Variants in ITGB6 observed in about 807,000 individuals in gnomAD.
ITGB6 encodes the protein integrin subunit beta 6.
A neutral mutation model predicts 84.5 loss-of-function variants in ITGB6; 80 were observed. That is an observed-to-expected ratio of 0.95 (90% confidence interval 0.79 to 1.14). The LOEUF is 1.14. Among genes scored for constraint, ITGB6 ranks in the 50% most tolerant of loss-of-function variants. The pLI is 0.00. For missense variants in ITGB6, 1,006 were observed against 968.0 expected (o/e 1.04, Z -0.52); for synonymous variants, 383 against 354.9 (o/e 1.08, Z -0.89).
intron 7 of ITGB6, among the ~76,000 whole-genome samples, chr2:160,167,156 G>C (rs368231550): frequency 6.6e-6 from 1 of 151,886 alleles, no homozygotes; most frequent in Non-Finnish European, 1.5e-5. Flanking sequence ...TCCTTATATC[G>C]CAGTTATCCA....
chr2:160,184,380 A>G (rs1341556763), intron 4 of ITGB6, among the ~76,000 whole-genome samples: 1 of 152,246 alleles, frequency 6.6e-6, no homozygotes. Context: ...AAAATCTAGA[A>G]GAAATGGATA....
At chr2:160,116,897 A>T (rs1682798242) in intron 12 of ITGB6, among the ~76,000 whole-genome samples, 1 of 151,306 alleles carries the variant, frequency 6.6e-6, no homozygotes, top group Non-Finnish European at 1.5e-5. Flanking sequence ...TAAACCAACA[A>T]AGATCAAAAG....
chr2:160,130,370 G>A (rs367810183), intron 10 of ITGB6, among the ~76,000 whole-genome samples: 28 of 152,000 alleles, frequency 1.8e-4, no homozygotes, highest in East Asian at 7.7e-4. Flanking sequence ...ATACACACAC[G>A]TATGTATAGA....
intron 7 of ITGB6, among the ~76,000 whole-genome samples, chr2:160,160,700 G>A (rs887084368): frequency 2.0e-5 from 3 of 152,102 alleles, no homozygotes; most frequent in Non-Finnish European, 2.9e-5. Flanking sequence ...TTATTTCAAA[G>A]GCTATGACAC....
At chr2:160,147,317 C>T (rs1262497697) in intron 7 of ITGB6, among the ~76,000 whole-genome samples, 2 of 152,112 alleles carry the variant, frequency 1.3e-5, no homozygotes, top group Admixed American at 1.3e-4. Context: ...GAGTTATCTT[C>T]ACAGCCTTAT....
intron 12 of ITGB6, among the ~76,000 whole-genome samples, chr2:160,112,469 G>A (rs930198078): frequency 5.3e-5 from 8 of 152,078 alleles, no homozygotes; most frequent in African/African-American, 1.2e-4. Context: ...CAGGCTGAAC[G>A]TACTTCAAGG....
chr2:160,174,545 A>G (rs960563512), intron 4 of ITGB6, among the ~76,000 whole-genome samples: 1 of 150,794 alleles, frequency 6.6e-6, no homozygotes, highest in Non-Finnish European at 1.5e-5. Flanking sequence ...CTGTAGCAAG[A>G]CAAGAGAGGA....
chr2:160,194,385 G>T (rs1249241805), intron 4 of ITGB6, among the ~76,000 whole-genome samples: 1 of 152,016 alleles, frequency 6.6e-6, no homozygotes, highest in Non-Finnish European at 1.5e-5. Flanking sequence ...TGCCTTTGGT[G>T]TATAAAAGTA....
chr2:160,107,118 T>C (rs1696940368), intron 14 of ITGB6, among the ~76,000 whole-genome samples: 1 of 152,202 alleles, frequency 6.6e-6, no homozygotes, highest in African/African-American at 2.4e-5. Flanking sequence ...TAAAGGTTAA[T>C]ACTTTTGGGG....
intron 10 of ITGB6, among the ~76,000 whole-genome samples, chr2:160,127,266 C>T (rs762110074): frequency 6.6e-5 from 10 of 152,200 alleles, no homozygotes; most frequent in Non-Finnish European, 1.3e-4. Flanking sequence ...GAATCTGGAA[C>T]CTTTTTTAAG....
At chr2:160,177,591 C>A (rs1249064456) in intron 4 of ITGB6, among the ~76,000 whole-genome samples, 1 of 151,546 alleles carries the variant, frequency 6.6e-6, no homozygotes, top group Non-Finnish European at 1.5e-5. Context: ...AAAGAACCAT[C>A]CTAAAAATAT....
rs752307884 is a variant in ITGB6, at chr2:160,101,713, C to CT, written c.*22dup. 106 of 1,289,560 alleles carry CT rather than the reference C, an allele frequency of 8.2e-5. 1 individual carries two copies. The highest frequency in any genetic ancestry group is 1.1e-4 in the Non-Finnish European group (100 of 886,722). 79.9% of individuals were successfully genotyped at this position (1,289,560 alleles called of 1,614,324 possible). ...TAACATTTCATATCAGTGAAACAGA[C>CT]TTTTTTCATGCATAAAGTAGTTCTA... On this transcript the variant is annotated 3_prime_UTR_variant, in exon 15 of 15. Transcript: ENST00000283249.
intron 14 of ITGB6, among the ~76,000 whole-genome samples, chr2:160,105,146 G>C (rs1696859565): frequency 6.6e-6 from 1 of 152,110 alleles, no homozygotes; most frequent in Non-Finnish European, 1.5e-5. Context: ...GCATCCAAGT[G>C]AATAATTACT....
intron 7 of ITGB6, among the ~76,000 whole-genome samples, chr2:160,167,980 G>A (rs1685064106): frequency 1.9e-5 from 2 of 102,766 alleles, no homozygotes; most frequent in Non-Finnish European, 4.0e-5. Context: ...GTATTTGGGG[G>A]TATTTTAAAA....
chr2:160,194,996 CAAAT>C (rs1686275765), intron 4 of ITGB6, among the ~76,000 whole-genome samples: 1 of 152,172 alleles, frequency 6.6e-6, no homozygotes, highest in Non-Finnish European at 1.5e-5. Context: ...AGGTTATTCT[CAAAT>C]AACCTCAGAA....
At chr2:160,193,405 T>C (rs1686215502) in intron 4 of ITGB6, among the ~76,000 whole-genome samples, 1 of 152,208 alleles carries the variant, frequency 6.6e-6, no homozygotes, top group African/African-American at 2.4e-5. Flanking sequence ...TATATATTTA[T>C]ATAAAATTCA....
At chr2:160,125,012 G>T (rs1683181471) in intron 11 of ITGB6, among the ~76,000 whole-genome samples, 1 of 152,184 alleles carries the variant, frequency 6.6e-6, no homozygotes, top group East Asian at 1.9e-4. Flanking sequence ...CTCAATGATG[G>T]CTGCCCTAGC....
chr2:160,190,136 T>C (rs1473292683), intron 4 of ITGB6, among the ~76,000 whole-genome samples: 2 of 138,682 alleles, frequency 1.4e-5, no homozygotes, highest in East Asian at 2.1e-4. Context: ...TTCTCACTCA[T>C]GGATGGGAAT....
chr2:160,178,065 G>C lies in ITGB6; in HGVS notation c.594-3926C>G, dbSNP rs181269095. Among the ~76,000 whole-genome samples, 4 of 152,260 alleles carry C rather than the reference G, an allele frequency of 2.6e-5. No individual in the cohort carries two copies. In the East Asian group the frequency reaches 7.7e-4, roughly 29 times the overall value. ...AAGTTTTGTATTTTTAGTAGAGATG[G>C]GGTTTTACCATGTTGGCCAGGCTGG... On this transcript the variant is annotated intron_variant, in intron 4 of 14. Coordinates refer to ENST00000283249, the MANE Select transcript of ITGB6 (RefSeq NM_000888.5).
Sources: gnomAD v4.1 joint callset for allele counts (sites outside exome capture counted in the v4.1 genomes callset) on GRCh38, gnomAD v4.1.1 for gene constraint, MANE v1.5 for transcripts, NCBI Gene and HGNC (gene_info 2026-07-23, HGNC 2026-07-21) for gene names.